CEP295: variants seen among roughly 807,000 people sequenced by gnomAD.
CEP295 encodes the protein centrosomal protein of 295 kDa.
In CEP295, 190 loss-of-function variants were observed where a neutral mutation model predicts 291.6. The ratio of observed to expected loss-of-function variants is 0.65; its 90% confidence interval spans 0.58 to 0.73. The LOEUF (loss-of-function observed/expected upper bound fraction) is 0.73, where lower values mean the gene tolerates loss of function less well. Among genes scored for constraint, CEP295 ranks in the 30% least tolerant of loss-of-function variants. The pLI is 0.00. For synonymous variants in CEP295, 993 were observed against 1,038.8 expected (o/e 0.96, Z 0.85); for missense variants, 2,863 against 2,949.4 (o/e 0.97, Z 0.68).
chr11:93,700,514 C>A (rs1384625025), intron 15 of CEP295, among the ~76,000 whole-genome samples: 1 of 151,372 alleles, frequency 6.6e-6, no homozygotes, highest in East Asian at 1.9e-4. Flanking sequence ...CAACCCCTAC[C>A]TCCTGGGTTT....
chr11:93,681,794 G>A (rs1950982419), intron 7 of CEP295, among the ~76,000 whole-genome samples: 1 of 151,752 alleles, frequency 6.6e-6, no homozygotes, highest in South Asian at 2.1e-4. Context: ...CAATCTGCCT[G>A]CCTCGACCTC....
At position 93,691,913 on chromosome 11, in the gene CEP295, G is replaced by A; in HGVS notation, c.1430-14G>A. On this transcript the variant is annotated splice_polypyrimidine_tract_variant and intron_variant, in intron 11 of 29. Transcript: ENST00000325212. ...AATTATTGAAACTAATTTTTGTTTG[G>A]GGCATTCCCCTAGAAATAAATGAGA... 1 of 1,491,682 alleles carries A rather than the reference G, an allele frequency of 6.7e-7. No homozygotes were observed. The highest frequency in any genetic ancestry group is 9.1e-7 in the Non-Finnish European group (1 of 1,098,840). 92.4% of individuals were successfully genotyped at this position (1,491,682 alleles called of 1,614,324 possible). A position where few individuals can be genotyped will look rare whatever the true frequency, so the allele number is the denominator to read the frequency against.
At chr11:93,669,919 A>G (rs1398045588) in intron 5 of CEP295, 149 bp downstream of exon 5, 3 of 557,356 alleles carry the variant, frequency 5.4e-6, no homozygotes, top group Non-Finnish European at 9.6e-6. Flanking sequence ...GGAGTATGTT[A>G]AAATAATTCT....
chr11:93,679,664 G>A, intron 7 of CEP295, 112 bp downstream of exon 7: 1 of 783,520 alleles, frequency 1.3e-6, no homozygotes, highest in East Asian at 3.1e-5. Context: ...GTTCAATATA[G>A]TCTCTGATTC....
At chr11:93,719,201 CAGAT>C (rs1953500916) in intron 18 of CEP295, among the ~76,000 whole-genome samples, 1 of 149,382 alleles carries the variant, frequency 6.7e-6, no homozygotes, top group African/African-American at 2.5e-5. Context: ...TACTTACATA[CAGAT>C]AGATGTGTAC....
At chr11:93,674,203 T>G (rs2134858074) in intron 5 of CEP295, among the ~76,000 whole-genome samples, 2 of 152,286 alleles carry the variant, frequency 1.3e-5, no homozygotes, top group African/African-American at 4.8e-5. Flanking sequence ...CCTCAAGTGA[T>G]CCACCTGCCT....
intron 18 of CEP295, among the ~76,000 whole-genome samples, chr11:93,712,505 A>G (rs955873441): frequency 6.6e-6 from 1 of 152,004 alleles, no homozygotes; most frequent in African/African-American, 2.4e-5. Context: ...CCACCCACTT[A>G]GACCTCCCAA....
At position 93,683,811 on chromosome 11, in the gene CEP295, G is replaced by A. The variant is rs1951090651; in HGVS notation, c.949+69G>A. Reference sequence around the variant, plus strand: ...TTTGGTGGGAAAATATGTTTGTAATGATAAAGCAGTTTTTATCTTGAAATG... The same window carrying A: ...TTTGGTGGGAAAATATGTTTGTAATAATAAAGCAGTTTTTATCTTGAAATG... On this transcript the variant is annotated intron_variant, in intron 8 of 29. Coordinates refer to ENST00000325212, the MANE Select transcript of CEP295 (RefSeq NM_033395.2). 4.1e-6 allele frequency: 6 copies of A among 1,472,504 alleles called. No homozygotes were observed. In the Admixed American group the frequency reaches 1.6e-4, roughly 39 times the overall value. 91.2% of individuals were successfully genotyped at this position (1,472,504 alleles called of 1,614,324 possible).
chr11:93,708,295 G>A (rs1007423007), intron 18 of CEP295, among the ~76,000 whole-genome samples: 4 of 151,784 alleles, frequency 2.6e-5, no homozygotes, highest in Non-Finnish European at 2.9e-5. Context: ...CTCCCCCAAC[G>A]ACCCCCAACT....
Position 93,702,861 on chromosome 11 carries a change from T to G in CEP295, c.5538T>G (p.His1846Gln), listed in dbSNP as rs1952259492. Reference protein sequence around the residue: ...KVKCGLDLNQHELSAIQEVES... With the variant: ...KVKCGLDLNQQELSAIQEVES... ...AATGTGGTTTGGACTTAAACCAGCA[T>G]GAACTTAGTGCTATACAAGAAGTAG... The change falls in exon 17 of 30, where the codon CAT becomes CAG. Residue 1846 changes from histidine to glutamine, a missense_variant. His to Gln is a conservative substitution (Grantham distance 24, BLOSUM62 0). Coordinates refer to ENST00000325212, the MANE Select transcript of CEP295 (RefSeq NM_033395.2). The G allele has an allele frequency of 2.6e-6, 4 of 1,551,606 alleles. No individual in the cohort carries two copies. Among genetic ancestry groups the G allele is most frequent in the Non-Finnish European group, 3.5e-6 (4 of 1,146,926 alleles).
intron 24 of CEP295, 29 bp downstream of exon 24, chr11:93,727,666 C>T (rs1954257203): frequency 6.8e-7 from 1 of 1,461,682 alleles, no homozygotes; most frequent in South Asian, 1.4e-5. Flanking sequence ...GTATAAATAA[C>T]ATTTAAATTC....
intron 1 of CEP295, among the ~76,000 whole-genome samples, chr11:93,665,509 G>C (rs1363904584): frequency 6.6e-6 from 1 of 152,052 alleles, no homozygotes; most frequent in African/African-American, 2.4e-5. Context: ...GGAGTTCGAG[G>C]CCAGTCTGGC....
rs1468047947 is a variant in CEP295, at chr11:93,698,425, A to G, written c.3513A>G (p.Gln1171=). Reference sequence around the variant, plus strand: ...TGACAATACTCCAAGAACAGTCACAAATACAAAGGGTAATACTTGGTGCTA... The same window carrying G: ...TGACAATACTCCAAGAACAGTCACAGATACAAAGGGTAATACTTGGTGCTA... ...ENLTILQEQS[Q]IQRVILGAKE... is the part of the protein sequence containing the mutation. The change falls in exon 15 of 30, where the codon CAA becomes CAG. Residue 1171 remains glutamine (Q), a synonymous_variant. Transcript: ENST00000325212. 4.5e-6 allele frequency: 7 copies of G among 1,552,004 alleles called. No homozygotes were observed. The Admixed American group carries it at 7.8e-5, about 17-fold the overall frequency.
At chr11:93,695,438 G>T (rs1329397347) in intron 12 of CEP295, 59 bp from the exon 13 acceptor site, 11 of 1,170,102 alleles carry the variant, frequency 9.4e-6, no homozygotes, top group Admixed American at 8.1e-5. Context: ...TGGAACGTGT[G>T]TTATCTTTGC....
At chr11:93,673,651 G>A (rs1024564466) in intron 5 of CEP295, among the ~76,000 whole-genome samples, 11 of 151,986 alleles carry the variant, frequency 7.2e-5, no homozygotes, top group African/African-American at 2.4e-4. Flanking sequence ...GTGCCACCAT[G>A]CCTGGCTAAT....
chr11:93,705,838 TG>T (rs1185936957), intron 17 of CEP295, among the ~76,000 whole-genome samples: 2 of 152,226 alleles, frequency 1.3e-5, no homozygotes, highest in Non-Finnish European at 2.9e-5. Flanking sequence ...GGCTTTGTAG[TG>T]AGGACGCTCA....
In CEP295 at chr11:93,698,399, T is replaced by A. The variant is rs1257127099; in HGVS notation, c.3487T>A (p.Leu1163Met). 1.3e-6 allele frequency: 2 copies of A among 1,552,092 alleles called. No individual in the cohort carries two copies. The highest frequency in any genetic ancestry group is 1.2e-5 in the South Asian group (1 of 84,058). The change falls in exon 15 of 30, where the codon TTG becomes ATG. Residue 1163 changes from leucine (L) to methionine (M), a missense_variant. Physicochemically the swap from Leu to Met is conservative, Grantham distance 15 (BLOSUM62 2). Transcript: ENST00000325212. ...GCATAGCCTGGCACAGCAAGAAAAT[T>A]TGACAATACTCCAAGAACAGTCACA... is the stretch of plus-strand genomic sequence containing the variant. ...PQHSLAQQEN[L>M]TILQEQSQIQ...
At chr11:93,689,337 C>G (rs1168790333) in intron 10 of CEP295, among the ~76,000 whole-genome samples, 1 of 152,210 alleles carries the variant, frequency 6.6e-6, no homozygotes, top group Non-Finnish European at 1.5e-5. Flanking sequence ...ACCACTACTC[C>G]CATACTCACT....
intron 18 of CEP295, among the ~76,000 whole-genome samples, chr11:93,708,735 C>T (rs985186747): frequency 6.6e-6 from 1 of 152,152 alleles, no homozygotes; most frequent in African/African-American, 2.4e-5. Flanking sequence ...CCAAACTGCT[C>T]TTCATAGTGG....
Sources: allele counts gnomAD v4.1 joint callset (sites outside exome capture counted in the v4.1 genomes callset), GRCh38; gene constraint gnomAD v4.1.1; transcripts MANE v1.5; gene names NCBI Gene and HGNC (gene_info 2026-07-23, HGNC 2026-07-21).